The following RAB33A variants were observed in gnomAD, a reference collection of about 807,000 sequenced individuals.
RAB33A encodes ras-related protein Rab-33A.
In RAB33A, 6 loss-of-function variants were observed where a neutral mutation model predicts 12.0. That is an observed-to-expected ratio of 0.50 (90% CI 0.27 to 0.99). The LOEUF (loss-of-function observed/expected upper bound fraction) is 0.99. Among genes scored for constraint, RAB33A ranks in the 50% least tolerant of loss-of-function variants. RAB33A has a pLI of 0.11. For synonymous variants in RAB33A, 70 were observed against 82.4 expected, an observed-to-expected ratio of 0.85 and a Z score of 0.81; for missense variants, 109 against 192.0, an observed-to-expected ratio of 0.57 and a Z score of 2.55.
At chrX:130,183,094 G>C (rs1391282939) in intron 1 of RAB33A, among the ~76,000 whole-genome samples, 1 of 106,989 alleles carries the variant, frequency 9.3e-6, no homozygotes, top group African/African-American at 3.4e-5. Context: ...TTCTAGTAGA[G>C]ATGGGATTTC....
the RAB33A span, chrX:130,165,956 C>T: frequency 3.1e-5 from 11 of 360,375 alleles, no homozygotes; most frequent in African/African-American, 2.6e-4. Flanking sequence ...AAGACGCTGG[C>T]TCTAGGTAGC....
At chrX:130,146,315 G>A in the RAB33A span, among the ~76,000 whole-genome samples, 3 of 109,037 alleles carry the variant, frequency 2.8e-5, no homozygotes, top group Non-Finnish European at 3.8e-5. Context: ...GTGGTGGTAC[G>A]CACCTGTAGT....
At chrX:130,112,304 C>T in the RAB33A span, among the ~76,000 whole-genome samples, 52 of 33,763 alleles carry the variant, frequency 1.5e-3, no homozygotes, top group African/African-American at 5.9e-3. Flanking sequence ...CTCTGCTGGC[C>T]TCTCATCCAC....
At chrX:130,138,931 GGAC>G in the RAB33A span, among the ~76,000 whole-genome samples, 1 of 111,486 alleles carries the variant, frequency 9.0e-6, no homozygotes, top group African/African-American at 3.3e-5. Context: ...TTCCCCAGGA[GGAC>G]ATCTGGCAAT....
chrX:130,162,440 G>C, the RAB33A span, among the ~76,000 whole-genome samples: 54,637 of 111,029 alleles, frequency 0.49, 10,319 homozygotes, highest in African/African-American at 0.69. Context: ...ATTCACATGA[G>C]CAGGCAACTT....
At chrX:130,137,177 A>C in the RAB33A span, 2 of 1,211,147 alleles carry the variant, frequency 1.7e-6, no homozygotes, top group Non-Finnish European at 2.2e-6. Context: ...TCTGTGCCCA[A>C]GGCTCGAGCT....
the RAB33A span, among the ~76,000 whole-genome samples, chrX:130,144,489 C>T: frequency 5.4e-5 from 6 of 111,808 alleles, no homozygotes; most frequent in South Asian, 2.3e-3. Context: ...TTCCTGGCAC[C>T]AAACATGCTT....
intron 1 of RAB33A, among the ~76,000 whole-genome samples, chrX:130,182,584 G>A (rs960800485): frequency 9.2e-6 from 1 of 108,907 alleles, no homozygotes; most frequent in Non-Finnish European, 1.9e-5. Flanking sequence ...GAGAAACTCC[G>A]TCTCTACTAA....
At chrX:130,130,479 A>G in the RAB33A span, among the ~76,000 whole-genome samples, 1 of 112,536 alleles carries the variant, frequency 8.9e-6, no homozygotes, top group South Asian at 3.6e-4. Context: ...TTCAAACTGC[A>G]GAAGGCTGGT....
At chrX:130,117,225 A>AAAAAACC in the RAB33A span, among the ~76,000 whole-genome samples, 1 of 112,127 alleles carries the variant, frequency 8.9e-6, no homozygotes, top group Non-Finnish European at 1.9e-5. Flanking sequence ...CAAAAAAACA[A>AAAAAACC]AAAAACAAAA....
the RAB33A span, chrX:130,138,819 A>C: frequency 1.9e-6 from 1 of 521,983 alleles, no homozygotes; most frequent in Non-Finnish European, 3.4e-6. Flanking sequence ...GTATAAAGTG[A>C]CTCAATTATA....
chrX:130,131,553 C>T, the RAB33A span: 1 of 1,045,157 alleles, frequency 9.6e-7, no homozygotes, highest in South Asian at 1.9e-5. Flanking sequence ...TCTTTTAAAG[C>T]ACAACATGAA....
At chrX:130,111,743 C>T in the RAB33A span, among the ~76,000 whole-genome samples, 1 of 112,206 alleles carries the variant, frequency 8.9e-6, no homozygotes, top group Non-Finnish European at 1.9e-5. Flanking sequence ...CTGTCCAAAG[C>T]CAGGCTGCTC....
the RAB33A span, chrX:130,137,053 C>T: frequency 8.3e-7 from 1 of 1,209,077 alleles, no homozygotes; most frequent in African/African-American, 1.8e-5. Flanking sequence ...AATAGAGTGG[C>T]AGCATATAGA....
chrX:130,115,566 T>A, the RAB33A span, among the ~76,000 whole-genome samples: 1 of 109,096 alleles, frequency 9.2e-6, no homozygotes, highest in Non-Finnish European at 1.9e-5. Context: ...TGAGCCGATA[T>A]CACGCCACTG....
At chrX:130,178,254 G>T (rs1278187682) in intron 1 of RAB33A, among the ~76,000 whole-genome samples, 3 of 110,755 alleles carry the variant, frequency 2.7e-5, no homozygotes. Flanking sequence ...GGAGGTTGAG[G>T]CTGCAGTGAG....
At chrX:130,164,609 G>T in the RAB33A span, among the ~76,000 whole-genome samples, 1 of 111,758 alleles carries the variant, frequency 8.9e-6, no homozygotes, top group Non-Finnish European at 1.9e-5. Flanking sequence ...AACGCAGTAC[G>T]AAAAGAAGCA....
upstream of RAB33A, among the ~76,000 whole-genome samples, chrX:130,170,943 C>A (rs372304704): frequency 7.1e-5 from 8 of 113,056 alleles, no homozygotes; most frequent in South Asian, 2.2e-3. Flanking sequence ...AGCTTCCCCC[C>A]CTTCTCCTAG....
the RAB33A span, among the ~76,000 whole-genome samples, chrX:130,154,020 A>G: frequency 2.7e-5 from 3 of 112,532 alleles, no homozygotes; most frequent in Non-Finnish European, 3.7e-5. Context: ...CAAAAAAACT[A>G]AGCCACCTCA....
Sources: allele counts gnomAD v4.1 joint callset (sites outside exome capture counted in the v4.1 genomes callset), GRCh38; gene constraint gnomAD v4.1.1; transcripts MANE v1.5; gene names NCBI Gene and HGNC (gene_info 2026-07-23, HGNC 2026-07-21).